The following PTPRQ variants were observed in gnomAD, a reference collection of about 807,000 sequenced individuals.
PTPRQ encodes phosphatidylinositol phosphatase PTPRQ.
Under a neutral mutation model 246.0 loss-of-function variants are expected in PTPRQ, and 199 were observed. The observed-to-expected ratio is 0.81, with a 90% confidence interval of 0.72 to 0.91. The LOEUF is 0.91. PTPRQ is among the 40% of genes least tolerant of loss of function. The pLI is 0.00. For missense variants in PTPRQ, 2,624 were observed against 2,528.4 expected (o/e 1.04, Z -0.81); for synonymous variants, 869 against 853.2 (o/e 1.02, Z -0.32).
intron 3 of PTPRQ, among the ~76,000 whole-genome samples, chr12:80,450,839 CTT>C (rs1892738082): frequency 6.6e-6 from 1 of 152,078 alleles, no homozygotes; most frequent in African/African-American, 2.4e-5. Context: ...CTAAAATTCT[CTT>C]TTTTGGTTGT....
rs758941575 is a variant in PTPRQ, at chr12:80,534,024, A to G, written c.2688A>G (p.Ser896=). 6.7e-7 allele frequency: 1 copy of G among 1,494,902 alleles called. No individual in the cohort carries two copies. Among genetic ancestry groups the G allele is most frequent in the Non-Finnish European group, 8.9e-7 (1 of 1,122,270 alleles). The allele number at this position is 1,494,902 out of a possible 1,614,324, so 92.6% of individuals were successfully genotyped here. The change falls in exon 18 of 45, where the codon TCA becomes TCG. Residue 896 remains serine (S), a synonymous_variant. Coordinates refer to ENST00000644991, the MANE Select transcript of PTPRQ (RefSeq NM_001145026.2). ...ATTCTTTTTATCTCAGGAATAGATC[A>G]TCATTAAAAACTATTAATGTCACTG... The part of the protein sequence containing the change: ...LYYTVYVWNR[S]SLKTINVTET...
intron 17 of PTPRQ, among the ~76,000 whole-genome samples, chr12:80,533,490 TTAAA>T (rs1057132700): frequency 4.5e-4 from 69 of 152,186 alleles, no homozygotes; most frequent in African/African-American, 1.5e-3. Flanking sequence ...CTCATTTCTA[TTAAA>T]TAACTATAGG....
intron 27 of PTPRQ, among the ~76,000 whole-genome samples, chr12:80,608,911 T>C (rs1898439318): frequency 6.6e-6 from 1 of 150,620 alleles, no homozygotes; most frequent in African/African-American, 2.4e-5. Flanking sequence ...TAAGGAAAAT[T>C]ACAAAAAGCA....
chr12:80,449,970 A>G (rs1012317660), intron 3 of PTPRQ, among the ~76,000 whole-genome samples: 2 of 152,262 alleles, frequency 1.3e-5, no homozygotes, highest in East Asian at 1.9e-4. Flanking sequence ...CTTGGGCAGT[A>G]TGGTCATTTT....
chr12:80,448,348 A>G (rs1266086373), intron 3 of PTPRQ, among the ~76,000 whole-genome samples: 1 of 151,998 alleles, frequency 6.6e-6, no homozygotes, highest in Non-Finnish European at 1.5e-5. Context: ...CAAAGATAGT[A>G]TGCTTCCTGT....
intron 17 of PTPRQ, among the ~76,000 whole-genome samples, chr12:80,510,729 A>G (rs556064863): frequency 3.2e-4 from 48 of 152,182 alleles, no homozygotes; most frequent in Non-Finnish European, 5.4e-4. Flanking sequence ...GTATGAATGT[A>G]AGCATATACT....
chr12:80,581,648 TA>T (rs1264748507), intron 25 of PTPRQ, among the ~76,000 whole-genome samples: 1 of 151,354 alleles, frequency 6.6e-6, no homozygotes, highest in African/African-American at 2.4e-5. Flanking sequence ...AAAAAAAAAG[TA>T]AAAATTTCCA....
intron 25 of PTPRQ, 112 bp downstream of exon 25, chr12:80,549,846 TA>T: frequency 2.2e-6 from 3 of 1,375,748 alleles, no homozygotes; most frequent in Middle Eastern, 2.2e-4. Flanking sequence ...AAGCACATAT[TA>T]AAAAATACAA....
intron 25 of PTPRQ, among the ~76,000 whole-genome samples, chr12:80,580,951 A>G (rs2120992659): frequency 6.6e-6 from 1 of 152,326 alleles, no homozygotes; most frequent in Non-Finnish European, 1.5e-5. Flanking sequence ...TGAAAGCTTA[A>G]TTGGAGAATA....
At chr12:80,466,871 G>T (rs1030225488) in intron 6 of PTPRQ, among the ~76,000 whole-genome samples, 3 of 152,024 alleles carry the variant, frequency 2.0e-5, no homozygotes, top group African/African-American at 7.2e-5. Context: ...ATAGATTAAA[G>T]ACTTAAATGT....
chr12:80,540,759 T>A (rs1236009476), intron 20 of PTPRQ, among the ~76,000 whole-genome samples: 1 of 152,076 alleles, frequency 6.6e-6, no homozygotes, highest in African/African-American at 2.4e-5. Flanking sequence ...GGGAAATATG[T>A]ATTTGGGGAG....
chr12:80,453,202 G>T (rs974026553), intron 3 of PTPRQ, among the ~76,000 whole-genome samples: 1 of 152,028 alleles, frequency 6.6e-6, no homozygotes, highest in African/African-American at 2.4e-5. Context: ...TTCGAGCCTT[G>T]GCTTTCAGCT....
At chr12:80,632,171 C>T (rs1188232497) in intron 33 of PTPRQ, 21 bp from the exon 34 acceptor site, 1 of 1,539,162 alleles carries the variant, frequency 6.5e-7, no homozygotes, top group East Asian at 2.5e-5. Context: ...ATTTAATGAT[C>T]CTGTTATCCC....
In PTPRQ at chr12:80,514,442, A is replaced by T. The variant is rs1785922983; in HGVS notation, c.2678+3999A>T. On this transcript the variant is annotated intron_variant, in intron 17 of 44. Transcript: ENST00000644991. ...CTCTGCTTTAAAATTTACTTTGTTC[A>T]TTGCGGTATTTAAAAGAGACTATTA... 4.3e-5 allele frequency among the ~76,000 whole-genome samples: 6 copies of T among 139,706 alleles called. No homozygotes were observed. In the Admixed American group the frequency reaches 4.5e-4, roughly 11 times the overall value. The allele number at this position is 139,706 out of a possible 152,430, so 91.7% of individuals were successfully genotyped here.
rs1299688945 is a variant in PTPRQ at position 80,523,981 on chromosome 12, A to G, written c.2679-10034A>G. 2.0e-5 allele frequency among the ~76,000 whole-genome samples: 3 copies of G among 152,020 alleles called. No homozygotes were observed. The South Asian group carries it at 6.2e-4, about 32-fold the overall frequency. ...ACAGGGGGTGTTAAAGTCTCCCATT[A>G]TTATTGTGTGGGAGTCTAAGTCTCT... On this transcript the variant is annotated intron_variant, in intron 17 of 44. Coordinates refer to ENST00000644991, the MANE Select transcript of PTPRQ (RefSeq NM_001145026.2).
intron 25 of PTPRQ, among the ~76,000 whole-genome samples, chr12:80,585,836 A>C (rs1897596196): frequency 1.4e-5 from 2 of 145,382 alleles, no homozygotes; most frequent in African/African-American, 2.6e-5. Context: ...GCACCCACTA[A>C]CTCGTCATCT....
chr12:80,666,485 T>C (rs1236013394), intron 39 of PTPRQ, among the ~76,000 whole-genome samples: 1 of 151,894 alleles, frequency 6.6e-6, no homozygotes, highest in Non-Finnish European at 1.5e-5. Context: ...AATACTGGTG[T>C]CTATAGCTCT....
chr12:80,577,383 A>G (rs1034286071), intron 25 of PTPRQ, among the ~76,000 whole-genome samples: 10 of 152,120 alleles, frequency 6.6e-5, no homozygotes, highest in African/African-American at 2.2e-4. Context: ...TTATAAAACT[A>G]TCAGATCTTG....
rs1897322946 is a variant in PTPRQ, at chr12:80,578,096, T to C, written c.4286-10033T>C. ...TTTTTATTTTTTATTATACTTTAAGTTTTAGGGTACATGTGCACAACGTGC... is the reference window on the plus strand; with the variant it reads ...TTTTTATTTTTTATTATACTTTAAGCTTTAGGGTACATGTGCACAACGTGC... On this transcript the variant is annotated intron_variant, in intron 25 of 44. Coordinates refer to ENST00000644991, the MANE Select transcript of PTPRQ (RefSeq NM_001145026.2). Among the ~76,000 whole-genome samples the C allele has an allele frequency of 2.0e-5, 3 of 151,886 alleles. No individual in the cohort carries two copies. The South Asian group carries it at 6.2e-4, about 32-fold the overall frequency.
Sources: gnomAD v4.1 joint callset for allele counts (sites outside exome capture counted in the v4.1 genomes callset) on GRCh38, gnomAD v4.1.1 for gene constraint, MANE v1.5 for transcripts, NCBI Gene and HGNC (gene_info 2026-07-23, HGNC 2026-07-21) for gene names.